BGN: variants seen among roughly 807,000 people sequenced by gnomAD.
The protein encoded by BGN is bone/cartilage proteoglycan-I.
In BGN, 6 loss-of-function variants were observed where a neutral mutation model predicts 20.0. The ratio of observed to expected loss-of-function variants is 0.30; its 90% CI spans 0.16 to 0.59. BGN has a LOEUF of 0.59. Ranked by LOEUF, BGN falls within the 20% of genes least tolerant of loss-of-function variation. The pLI, the probability that BGN is intolerant of heterozygous loss-of-function variation, is 0.88. For synonymous variants in BGN, 146 were observed against 134.6 expected (o/e 1.08, Z -0.59); for missense variants, 292 against 312.1 (o/e 0.94, Z 0.49).
chrX:153,504,006 C>G (rs1207547880), intron 1 of BGN, among the ~76,000 whole-genome samples: 1 of 111,759 alleles, frequency 8.9e-6, no homozygotes, highest in South Asian at 3.7e-4. Context: ...TCCAAGGATA[C>G]CCCCTCTTTC....
At chrX:153,505,090 C>A in intron 2 of BGN, 148 bp from the exon 3 acceptor site, 1 of 571,382 alleles carries the variant, frequency 1.8e-6, no homozygotes, top group East Asian at 3.4e-5. Context: ...GTCCCCGGTC[C>A]TCCCTACCAG....
chrX:153,498,300 G>C (rs1371263475), intron 1 of BGN, among the ~76,000 whole-genome samples: 5 of 112,919 alleles, frequency 4.4e-5, no homozygotes, highest in Non-Finnish European at 7.5e-5. Flanking sequence ...GAGGTGTTCA[G>C]ATGGGCCAAG....
Position 153,508,778 on chromosome X carries a change from G to A in BGN, c.*333G>A, listed in dbSNP as rs1569532483. The A allele has an allele frequency of 3.1e-6, 1 of 321,859 alleles. No individual in the cohort carries two copies. The highest frequency in any genetic ancestry group is 5.5e-6 in the Non-Finnish European group (1 of 182,364). 26.5% of individuals were successfully genotyped at this position (321,859 alleles called of 1,213,427 possible). A position where few individuals can be genotyped will look rare whatever the true frequency, so the allele number is the denominator to read the frequency against. On this transcript the variant is annotated 3_prime_UTR_variant, in exon 8 of 8. Coordinates refer to ENST00000331595, the MANE Select transcript of BGN (RefSeq NM_001711.6). ...AGTGTCCAAGGCTCCAGTCCTAGGA[G>A]AACAGTCCCTGGGTCAGCAGCCAGG... is the stretch of plus-strand genomic sequence containing the variant.
At position 153,508,498 on chromosome X, in the gene BGN, C is replaced by T; in HGVS notation, c.*53C>T. On this transcript the variant is annotated 3_prime_UTR_variant, in exon 8 of 8. Coordinates refer to ENST00000331595, the MANE Select transcript of BGN (RefSeq NM_001711.6). ...AGTGGGGGTCTCTGGGGAACACAGC[C>T]AGACATCCTGATGGGGAGGCAGAGC... 2.6e-6 allele frequency: 3 copies of T among 1,156,589 alleles called. No homozygotes were observed. Among genetic ancestry groups the T allele is most frequent in the Non-Finnish European group, 3.5e-6 (3 of 853,696 alleles).
chrX:153,499,060 C>T (rs2266862), intron 1 of BGN, among the ~76,000 whole-genome samples: 29,677 of 111,940 alleles, frequency 0.27, 3,535 homozygotes, highest in East Asian at 0.84. Flanking sequence ...GTTTCCTCAC[C>T]GTGTGGCCTT....
At chrX:153,499,029 G>C (rs2089738040) in intron 1 of BGN, among the ~76,000 whole-genome samples, 2 of 112,597 alleles carry the variant, frequency 1.8e-5, no homozygotes, top group Non-Finnish European at 3.8e-5. Context: ...GACAGACAGT[G>C]TGTGCAGCCC....
intron 1 of BGN, among the ~76,000 whole-genome samples, chrX:153,495,723 A>C (rs933137485): frequency 8.9e-5 from 10 of 112,461 alleles, no homozygotes; most frequent in African/African-American, 3.2e-4. Flanking sequence ...CACCCTGCCC[A>C]GATGTTCCTC....
intron 4 of BGN, among the ~76,000 whole-genome samples, chrX:153,506,283 G>A (rs1041628960): frequency 8.9e-6 from 1 of 112,439 alleles, no homozygotes; most frequent in African/African-American, 3.2e-5. Flanking sequence ...GGTGGCTTCC[G>A]GGAGCCCCAT....
intron 7 of BGN, 84 bp from the exon 8 acceptor site, chrX:153,508,164 G>C: frequency 3.8e-6 from 4 of 1,060,577 alleles, no homozygotes; most frequent in Non-Finnish European, 5.2e-6. Flanking sequence ...AGGGTGCAGA[G>C]GCAACAGCAA....
intron 1 of BGN, among the ~76,000 whole-genome samples, chrX:153,498,900 T>G (rs1441148744): frequency 3.6e-5 from 4 of 112,108 alleles, no homozygotes; most frequent in African/African-American, 1.3e-4. Context: ...GGGCCATGCT[T>G]CCAGGGGAGC....
rs2089792021 is a variant in BGN, at chrX:153,505,351, G to A, written c.351+1G>A. ...CTTCAAGGGTCTCCAGCACCTCTAC[G>A]TAAGGAGCTGGGAGGAACCAGCAGG... On this transcript the variant is annotated splice_donor_variant, in intron 3 of 7. Coordinates refer to ENST00000331595, the MANE Select transcript of BGN (RefSeq NM_001711.6). LOFTEE classifies it high-confidence loss of function. 1 of 1,200,123 alleles carries A rather than the reference G, an allele frequency of 8.3e-7. No homozygotes were observed. The highest frequency in any genetic ancestry group is 1.1e-6 in the Non-Finnish European group (1 of 885,591).
At chrX:153,499,042 G>T (rs2089738113) in intron 1 of BGN, among the ~76,000 whole-genome samples, 1 of 112,636 alleles carries the variant, frequency 8.9e-6, no homozygotes, top group East Asian at 2.8e-4. Context: ...TGCAGCCCCA[G>T]CTCTGCTGTT....
At chrX:153,500,643 G>A (rs1556991572) in intron 1 of BGN, among the ~76,000 whole-genome samples, 2 of 113,144 alleles carry the variant, frequency 1.8e-5, no homozygotes, top group African/African-American at 3.2e-5. Flanking sequence ...GTGTATAGAT[G>A]TGTGCATGTA....
At position 153,507,158 on chromosome X, in the gene BGN, A is replaced by T; in HGVS notation, c.882A>T (p.Ser294=). 1 of 1,204,542 alleles carries T rather than the reference A, an allele frequency of 8.3e-7. No homozygotes were observed. Among genetic ancestry groups the T allele is most frequent in the South Asian group, 1.8e-5 (1 of 55,750 alleles). The change falls in exon 7 of 8, where the codon TCA becomes TCT. Residue 294 remains serine (S), a synonymous_variant. Transcript: ENST00000331595. ...LDNNKLARVP[S]GLPDLKLLQV... ...ACAACAAGTTGGCCAGGGTGCCCTC[A>T]GGGCTCCCAGACCTCAAGCTCCTCC...
rs2089798347 is a variant in BGN, at chrX:153,506,063, C to T, written c.552C>T (p.Asn184=). 8.3e-7 allele frequency: 1 copy of T among 1,210,860 alleles called. No homozygotes were observed. Among genetic ancestry groups the T allele is most frequent in the Non-Finnish European group, 1.1e-6 (1 of 894,747 alleles). Reference sequence around the variant, plus strand: ...AGGGAGTGTTCAGCGGGCTCCGGAACATGAACTGCATCGGTGAGCTGAGGG... The same window carrying T: ...AGGGAGTGTTCAGCGGGCTCCGGAATATGAACTGCATCGGTGAGCTGAGGG... ...VPKGVFSGLR[N]MNCIEMGGNP... The change falls in exon 4 of 8, where the codon AAC becomes AAT. Residue 184 remains asparagine, a synonymous_variant. Transcript: ENST00000331595.
rs373246908 is a variant in BGN at position 153,502,709 on chromosome X, C to T, written c.-11-1912C>T. Among the ~76,000 whole-genome samples, 21 of 113,100 alleles carry T rather than the reference C, an allele frequency of 1.9e-4. No homozygotes were observed. In the East Asian group the frequency reaches 3.9e-3, roughly 21 times the overall value. Reference sequence around the variant, plus strand: ...AAGGCTCAAAAGAATGAGGGAGGCTCGGTGCTGCCCCAGCAGGGGCCTCCT... The same window carrying T: ...AAGGCTCAAAAGAATGAGGGAGGCTTGGTGCTGCCCCAGCAGGGGCCTCCT... On this transcript the variant is annotated intron_variant, in intron 1 of 7. Coordinates refer to ENST00000331595, the MANE Select transcript of BGN (RefSeq NM_001711.6).
rs143963710 is a variant in BGN at position 153,495,998 on chromosome X, G to C, written c.-12+885G>C. On this transcript the variant is annotated intron_variant, in intron 1 of 7. Transcript: ENST00000331595. ...GGGACCCAGGAGAGGGAGCGAGAGAGTGCCCTGGAAGGCCCACGGAGGGGA... is the reference window on the plus strand; with the variant it reads ...GGGACCCAGGAGAGGGAGCGAGAGACTGCCCTGGAAGGCCCACGGAGGGGA... Among the ~76,000 whole-genome samples, 808 of 112,844 alleles carry C rather than the reference G, an allele frequency of 7.2e-3. 8 individuals are homozygous for C. Among genetic ancestry groups the C allele is most frequent in the African/African-American group, 0.025 (776 of 31,121 alleles).
At chrX:153,504,987 G>A (rs2089788670) in intron 2 of BGN, 118 bp downstream of exon 2, 1 of 804,606 alleles carries the variant, frequency 1.2e-6, no homozygotes, top group Non-Finnish European at 1.8e-6. Context: ...TGATGTAAGT[G>A]TAGGAGGGGT....
Position 153,507,148 on chromosome X carries a change from G to A in BGN, c.872G>A (p.Arg291Lys). 8.3e-7 allele frequency: 1 copy of A among 1,206,932 alleles called. No individual in the cohort carries two copies. The highest frequency in any genetic ancestry group is 1.1e-6 in the Non-Finnish European group (1 of 893,045). ...ELHLDNNKLA[R>K]VPSGLPDLKL... ...CACTTGGACAACAACAAGTTGGCCA[G>A]GGTGCCCTCAGGGCTCCCAGACCTC... is the stretch of plus-strand genomic sequence containing the variant. Residue 291 changes from arginine (R) to lysine (K), a missense_variant, in exon 7 of 8, where the codon AGG becomes AAG. Physicochemically the swap from Arg to Lys is conservative, Grantham distance 26. Coordinates refer to ENST00000331595, the MANE Select transcript of BGN (RefSeq NM_001711.6).
Sources: allele counts gnomAD v4.1 joint callset (sites outside exome capture counted in the v4.1 genomes callset), GRCh38; gene constraint gnomAD v4.1.1; transcripts MANE v1.5; gene names NCBI Gene and HGNC (gene_info 2026-07-23, HGNC 2026-07-21).